The following PCP4L1 variants were observed in gnomAD, a reference collection of about 807,000 sequenced individuals.
PCP4L1 encodes the protein Purkinje cell protein 4 like 1.
In PCP4L1, 9 loss-of-function variants were observed where a neutral mutation model predicts 9.6. The ratio of observed to expected loss-of-function variants is 0.94; its 90% CI spans 0.57 to 1.64. The LOEUF is 1.64. PCP4L1 is among the 40% of genes most tolerant of loss of function. The pLI, the probability that PCP4L1 is intolerant of heterozygous loss-of-function variation, is 0.00. For synonymous variants in PCP4L1, 31 were observed against 28.2 expected (o/e 1.10, Z -0.31); for missense variants, 81 against 80.8 (o/e 1.00, Z -0.01).
At chr1:161,273,589 G>C (rs1304996775) in intron 1 of PCP4L1, among the ~76,000 whole-genome samples, 1 of 152,160 alleles carries the variant, frequency 6.6e-6, no homozygotes, top group Non-Finnish European at 1.5e-5. Context: ...CCTACACATG[G>C]AATTCTCAGA....
chr1:161,273,580 C>G (rs909774242), intron 1 of PCP4L1, among the ~76,000 whole-genome samples: 10 of 152,156 alleles, frequency 6.6e-5, no homozygotes, highest in African/African-American at 2.4e-4. Context: ...TAGAATGATC[C>G]TACACATGGA....
rs1458618984 is a variant in PCP4L1 at position 161,258,824 on chromosome 1, G to A, written c.-151G>A. 2.4e-6 allele frequency: 3 copies of A among 1,228,586 alleles called. No homozygotes were observed. The Admixed American group carries it at 6.1e-5, about 25-fold the overall frequency. The allele number at this position is 1,228,586 out of a possible 1,614,324, so 76.1% of individuals were successfully genotyped here. On this transcript the variant is annotated 5_prime_UTR_variant, in exon 1 of 3. Transcript: ENST00000504449. The stretch of plus-strand genomic sequence containing the variant: ...GAGAATCCCGGGTGCCAGCACCAGA[G>A]CAGCGGCTCTCCGCACTAACTCTCC...
chr1:161,283,773 T>C (rs1445305018), intron 2 of PCP4L1, 51 bp downstream of exon 2: 4 of 1,524,174 alleles, frequency 2.6e-6, no homozygotes, highest in Non-Finnish European at 3.6e-6. Flanking sequence ...TGTAGAGACA[T>C]AAAGACAAGT....
At chr1:161,262,833 C>T (rs1411641881) in intron 1 of PCP4L1, among the ~76,000 whole-genome samples, 1 of 152,156 alleles carries the variant, frequency 6.6e-6, no homozygotes, top group African/African-American at 2.4e-5. Flanking sequence ...ATTGTCTCTT[C>T]AAGGTGGTGG....
intron 1 of PCP4L1, among the ~76,000 whole-genome samples, chr1:161,263,326 C>T (rs1669452352): frequency 6.6e-6 from 1 of 152,200 alleles, no homozygotes; most frequent in African/African-American, 2.4e-5. Context: ...CAACCTCCAC[C>T]TCCGGGGTTC....
At chr1:161,262,528 G>C (rs1669437679) in intron 1 of PCP4L1, among the ~76,000 whole-genome samples, 1 of 151,416 alleles carries the variant, frequency 6.6e-6, no homozygotes, top group African/African-American at 2.4e-5. Context: ...CCCTTTCTTA[G>C]TCTCCCATTT....
chr1:161,276,681 TAAA>T (rs11312983), intron 1 of PCP4L1, among the ~76,000 whole-genome samples: 2 of 139,604 alleles, frequency 1.4e-5, no homozygotes, highest in African/African-American at 2.6e-5. Context: ...ACTTATCTCT[TAAA>T]AAAAAAAAAA....
rs577966383 is a variant in PCP4L1, at chr1:161,262,278, C to T, written c.9+3295C>T. On this transcript the variant is annotated intron_variant, in intron 1 of 2. Transcript: ENST00000504449. Reference sequence around the variant, plus strand: ...TGAAACCCCATCTCTACTAAAAATACAAAAAATTAGCCAGGCATGGTGGCA... The same window carrying T: ...TGAAACCCCATCTCTACTAAAAATATAAAAAATTAGCCAGGCATGGTGGCA... Among the ~76,000 whole-genome samples, 3 of 151,508 alleles carry T rather than the reference C, an allele frequency of 2.0e-5. No individual in the cohort carries two copies. In the East Asian group the frequency reaches 5.8e-4, roughly 29 times the overall value.
Position 161,272,413 on chromosome 1 carries a change from C to T in PCP4L1, c.10-11255C>T, listed in dbSNP as rs562743407. 2.6e-5 allele frequency among the ~76,000 whole-genome samples: 4 copies of T among 151,700 alleles called. No individual in the cohort carries two copies. The East Asian group carries it at 7.8e-4, about 30-fold the overall frequency. On this transcript the variant is annotated intron_variant, in intron 1 of 2. Transcript: ENST00000504449. Reference sequence around the variant, plus strand: ...TCTCTACTAAAAATACAAAAATTAGCCAGGCATGGTGGTGGGCACCTGTAA... The same window carrying T: ...TCTCTACTAAAAATACAAAAATTAGTCAGGCATGGTGGTGGGCACCTGTAA...
At chr1:161,275,409 G>A (rs1669682117) in intron 1 of PCP4L1, among the ~76,000 whole-genome samples, 1 of 151,656 alleles carries the variant, frequency 6.6e-6, no homozygotes, top group South Asian at 2.1e-4. Flanking sequence ...CCAGCTACTC[G>A]GGAGGCTGAG....
intron 1 of PCP4L1, among the ~76,000 whole-genome samples, chr1:161,282,583 A>G (rs963538073): frequency 2.0e-5 from 3 of 152,214 alleles, no homozygotes; most frequent in Non-Finnish European, 4.4e-5. Flanking sequence ...TGATATCTAT[A>G]GCCCAGGCCC....
At chr1:161,279,471 A>C (rs116339404) in intron 1 of PCP4L1, among the ~76,000 whole-genome samples, 4 of 152,330 alleles carry the variant, frequency 2.6e-5, no homozygotes, top group Admixed American at 2.0e-4. Context: ...TAAGTGCTTG[A>C]TAAGTATTTA....
chr1:161,262,982 C>A (rs2501862), intron 1 of PCP4L1, among the ~76,000 whole-genome samples: 63,073 of 151,974 alleles, frequency 0.42, 13,324 homozygotes, highest in Middle Eastern at 0.47. Context: ...ATCTTTCACC[C>A]AGAAAACCTC....
rs570575474 is a variant in PCP4L1, at chr1:161,282,127, G to A, written c.10-1541G>A. 6.6e-5 allele frequency among the ~76,000 whole-genome samples: 10 copies of A among 152,276 alleles called. No individual in the cohort carries two copies. The East Asian group carries it at 1.9e-3, about 29-fold the overall frequency. On this transcript the variant is annotated intron_variant, in intron 1 of 2. Coordinates refer to ENST00000504449, the MANE Select transcript of PCP4L1 (RefSeq NM_001102566.2). ...GCACTGAGTGAACAAGACTCCGTCT[G>A]CAATCCCGGCACCTCGGGAGGCCGA...
intron 1 of PCP4L1, among the ~76,000 whole-genome samples, chr1:161,265,031 G>A (rs1418105694): frequency 6.6e-6 from 1 of 152,182 alleles, no homozygotes; most frequent in East Asian, 1.9e-4. Context: ...GAGTAGGTAA[G>A]CTGATAGGAG....
In PCP4L1 at chr1:161,283,685, C is replaced by T. The variant is rs1455353160; in HGVS notation, c.27C>T (p.Ser9=). Reference sequence around the variant, plus strand: ...TTTTCCAGCTTAATACCAAAACATCCCCAGCAACCAACCAGGCAGCTGGCC... The same window carrying T: ...TTTTCCAGCTTAATACCAAAACATCTCCAGCAACCAACCAGGCAGCTGGCC... MSELNTKT[S]PATNQAAGQE... The change falls in exon 2 of 3, where the codon TCC becomes TCT. Residue 9 remains serine, a synonymous_variant. Transcript: ENST00000504449. 3 of 1,603,820 alleles carry T rather than the reference C, an allele frequency of 1.9e-6. No individual in the cohort carries two copies. Among genetic ancestry groups the T allele is most frequent in the Non-Finnish European group, 2.6e-6 (3 of 1,174,862 alleles).
chr1:161,271,433 T>C (rs1232294415), intron 1 of PCP4L1, among the ~76,000 whole-genome samples: 1 of 152,222 alleles, frequency 6.6e-6, no homozygotes, highest in African/African-American at 2.4e-5. Context: ...TCAATACTTA[T>C]TCTGGATGCA....
intron 1 of PCP4L1, among the ~76,000 whole-genome samples, chr1:161,260,613 G>A (rs1669401578): frequency 6.6e-6 from 1 of 152,140 alleles, no homozygotes; most frequent in African/African-American, 2.4e-5. Context: ...CCCCTTTGTA[G>A]GACACACTAC....
At position 161,281,382 on chromosome 1, in the gene PCP4L1, C is replaced by T. The variant is rs1047250774; in HGVS notation, c.10-2286C>T. The stretch of plus-strand genomic sequence containing the variant: ...TACACCTCCCAGATGGGGTGGTGGC[C>T]GGGCAGAGGGGCTCCTCACTTCCCA... On this transcript the variant is annotated intron_variant, in intron 1 of 2. Transcript: ENST00000504449. Among the ~76,000 whole-genome samples the T allele has an allele frequency of 4.6e-5, 7 of 152,270 alleles. No homozygotes were observed. The South Asian group carries it at 8.3e-4, about 18-fold the overall frequency.
Sources: allele counts gnomAD v4.1 joint callset (sites outside exome capture counted in the v4.1 genomes callset), GRCh38; gene constraint gnomAD v4.1.1; transcripts MANE v1.5; gene names NCBI Gene and HGNC (gene_info 2026-07-23, HGNC 2026-07-21).